Variants in ZNF746 observed in about 807,000 individuals in gnomAD.
ZNF746 encodes parkin-interacting substrate.
Under a neutral mutation model 41.0 loss-of-function variants are expected in ZNF746, and 13 were observed. That is an observed-to-expected ratio of 0.32 (90% confidence interval 0.21 to 0.50). ZNF746 has a LOEUF of 0.50. ZNF746 is among the 20% of genes least tolerant of loss of function. ZNF746 has a pLI of 0.98. For missense variants in ZNF746, 811 were observed against 922.9 expected, an observed-to-expected ratio of 0.88 and a Z score of 1.57; for synonymous variants, 424 against 396.2, an observed-to-expected ratio of 1.07 and a Z score of -0.83.
At chr7:149,496,398 C>G (rs1562995207) in intron 1 of ZNF746, among the ~76,000 whole-genome samples, 1 of 152,286 alleles carries the variant, frequency 6.6e-6, no homozygotes, top group East Asian at 1.9e-4. Context: ...GGAGCTGAAA[C>G]TCTTTGCTTG....
intron 4 of ZNF746, among the ~76,000 whole-genome samples, chr7:149,483,929 A>T (rs906479602): frequency 6.6e-6 from 1 of 152,208 alleles, no homozygotes; most frequent in Admixed American, 6.5e-5. Flanking sequence ...TATAGAGGAT[A>T]TTATGAATGT....
At chr7:149,475,515 G>A (rs1033745522) in intron 6 of ZNF746, 32 bp from the exon 7 acceptor site, 2 of 1,572,478 alleles carry the variant, frequency 1.3e-6, no homozygotes, top group Non-Finnish European at 8.7e-7. Context: ...ATACTGACCT[G>A]TCCCTTAACT....
At chr7:149,487,833 C>A (rs777437150) in intron 4 of ZNF746, 1 of 152,062 alleles carries the variant, frequency 6.6e-6, no homozygotes. Context: ...GAGCAATTCT[C>A]CAGAAATTAG....
At chr7:149,484,318 T>A (rs1192957605) in intron 4 of ZNF746, among the ~76,000 whole-genome samples, 4 of 152,200 alleles carry the variant, frequency 2.6e-5, no homozygotes, top group South Asian at 2.1e-4. Flanking sequence ...CATACAGCAA[T>A]GTTCATAAAG....
rs1228008037 is a variant in ZNF746 at position 149,477,546 on chromosome 7, C to T, written c.757+18G>A. ...ATCCCTGCAACTTGTTCCTTATGTC[C>T]CCGTCTCAGCCACTTACCAGAGGTG... On this transcript the variant is annotated intron_variant, in intron 5 of 6. Transcript: ENST00000458143. The T allele has an allele frequency of 5.1e-6, 8 of 1,583,938 alleles. No homozygotes were observed. Among genetic ancestry groups the T allele is most frequent in the African/African-American group, 2.7e-5 (2 of 74,592 alleles).
intron 6 of ZNF746, 33 bp from the exon 7 acceptor site, chr7:149,475,516 T>C: frequency 1.3e-6 from 2 of 1,572,404 alleles, no homozygotes; most frequent in Non-Finnish European, 8.6e-7. Context: ...TACTGACCTG[T>C]CCCTTAACTG....
rs774882667 is a variant in ZNF746, at chr7:149,474,543, G to A, written c.1824C>T (p.Ala608=). The change falls in exon 7 of 7, where the codon GCC becomes GCT. Residue 608 remains alanine (A), a synonymous_variant. Coordinates refer to ENST00000458143, the MANE Select transcript of ZNF746 (RefSeq NM_001394198.1). The surrounding 1 kb of genome is among the most constrained non-coding windows in gnomAD (Gnocchi z 6.3). ...GTGGCTGGCCTCGGGCCGGGGTCTT[G>A]GCGCCCGCTGCATGGTTGCGCTGGT... is the stretch of plus-strand genomic sequence containing the variant. The part of the protein sequence containing the change: ...RKHQRNHAAG[A]KTPARGQPLP... 5.6e-6 allele frequency: 9 copies of A among 1,607,730 alleles called. No homozygotes were observed. Among genetic ancestry groups the A allele is most frequent in the Non-Finnish European group, 7.6e-6 (9 of 1,177,322 alleles).
intron 4 of ZNF746, among the ~76,000 whole-genome samples, chr7:149,484,971 T>G (rs1800579234): frequency 6.6e-6 from 1 of 152,060 alleles, no homozygotes; most frequent in Non-Finnish European, 1.5e-5. Flanking sequence ...CAGGTGAGGC[T>G]AATCTATTTT....
Position 149,476,444 on chromosome 7 carries a change from A to C in ZNF746, c.883+478T>G, listed in dbSNP as rs550840258. 5.6e-5 allele frequency among the ~76,000 whole-genome samples: 8 copies of C among 142,496 alleles called. No homozygotes were observed. The East Asian group carries it at 1.6e-3, about 28-fold the overall frequency. The allele number at this position is 142,496 out of a possible 152,430, so 93.5% of individuals were successfully genotyped here. ...CACGTTTTTTGGGTGCTAAAATATG[A>C]CGTTATTATAGTAACAGGTGACTGG... On this transcript the variant is annotated intron_variant, in intron 6 of 6. Transcript: ENST00000458143.
At position 149,496,398 on chromosome 7, in the gene ZNF746, C is replaced by T. The variant is rs1562995207; in HGVS notation, c.24+1115G>A. On this transcript the variant is annotated intron_variant, in intron 1 of 6. Transcript: ENST00000458143. ...TGGACTCCTGCCAGGGGAGCTGAAA[C>T]TCTTTGCTTGAGAGGAGCTGATGGT... 7.9e-5 allele frequency among the ~76,000 whole-genome samples: 12 copies of T among 152,286 alleles called. No homozygotes were observed. In the South Asian group the frequency reaches 2.5e-3, roughly 32 times the overall value.
chr7:149,497,116 C>T lies in ZNF746; in HGVS notation c.24+397G>A, dbSNP rs1801026998. ...TATGCGGATTCGAAGCCGGACACCT[C>T]CCAGGTGCCACCAGGCCGCTGCGGG... On this transcript the variant is annotated intron_variant, in intron 1 of 6. Coordinates refer to ENST00000458143, the MANE Select transcript of ZNF746 (RefSeq NM_001394198.1). The surrounding 1 kb of genome is among the most constrained non-coding windows in gnomAD (Gnocchi z 4.2). 2.0e-6 allele frequency: 2 copies of T among 985,236 alleles called. No homozygotes were observed. The highest frequency in any genetic ancestry group is 6.1e-5 in the Admixed American group (1 of 16,268). The allele number at this position is 985,236 out of a possible 1,614,324, so 61.0% of individuals were successfully genotyped here. A position where few individuals can be genotyped will look rare whatever the true frequency, so the allele number is the denominator to read the frequency against.
At chr7:149,481,172 A>G (rs180971349) in intron 4 of ZNF746, among the ~76,000 whole-genome samples, 4 of 152,354 alleles carry the variant, frequency 2.6e-5, no homozygotes, top group African/African-American at 9.6e-5. Flanking sequence ...AAAGGGGCAA[A>G]TTATCTTCAA....
In ZNF746 at chr7:149,495,523, A is replaced by G. The variant is rs77708715; in HGVS notation, c.25-1020T>C. Among the ~76,000 whole-genome samples the G allele has an allele frequency of 2.5e-3, 375 of 152,280 alleles. 9 individuals are homozygous for G. The East Asian group carries it at 0.067, about 27-fold the overall frequency. On this transcript the variant is annotated intron_variant, in intron 1 of 6. Coordinates refer to ENST00000458143, the MANE Select transcript of ZNF746 (RefSeq NM_001394198.1). The stretch of plus-strand genomic sequence containing the variant: ...GGTAGGGAGCTGGACTGTTTGAGCC[A>G]CCCACATCTGAATGTGGGACCTACA...
At chr7:149,493,874 G>C in intron 3 of ZNF746, 115 bp downstream of exon 3, 1 of 1,548,206 alleles carries the variant, frequency 6.5e-7, no homozygotes, top group South Asian at 1.2e-5. Flanking sequence ...AACTTGCAAG[G>C]TCAACAATGT....
In ZNF746 at chr7:149,492,858, C is replaced by A. The variant is rs752312687; in HGVS notation, c.565+1G>T. ...CTCCCTGGCCTTCTCCCAGCCCTTA[C>A]CTGGACTGGGGTCCACAGGAACATC... is the stretch of plus-strand genomic sequence containing the variant. On this transcript the variant is annotated splice_donor_variant, in intron 4 of 6. Coordinates refer to ENST00000458143, the MANE Select transcript of ZNF746 (RefSeq NM_001394198.1). LOFTEE classifies it high-confidence loss of function. 2 of 1,609,958 alleles carry A rather than the reference C, an allele frequency of 1.2e-6. No individual in the cohort carries two copies. Among genetic ancestry groups the A allele is most frequent in the Non-Finnish European group, 1.7e-6 (2 of 1,176,538 alleles).
At chr7:149,485,827 T>C (rs1800608996) in intron 4 of ZNF746, among the ~76,000 whole-genome samples, 3 of 151,792 alleles carry the variant, frequency 2.0e-5, no homozygotes. Context: ...TCACTTGAGG[T>C]CAGGAGTTTG....
At position 149,494,200 on chromosome 7, in the gene ZNF746, C is replaced by G. The variant is rs769826958; in HGVS notation, c.324+4G>C. ...TCCCACACCCCAAGGCGTCCCAGGGCTACCTTAGGGGACTCCCCCTTGCTG... is the reference window on the plus strand; with the variant it reads ...TCCCACACCCCAAGGCGTCCCAGGGGTACCTTAGGGGACTCCCCCTTGCTG... On this transcript the variant is annotated splice_donor_region_variant and intron_variant, in intron 2 of 6. Coordinates refer to ENST00000458143, the MANE Select transcript of ZNF746 (RefSeq NM_001394198.1). The surrounding 1 kb of genome is among the most constrained non-coding windows in gnomAD (Gnocchi z 5.6). 5.6e-6 allele frequency: 9 copies of G among 1,613,858 alleles called. No individual in the cohort carries two copies. The highest frequency in any genetic ancestry group is 1.6e-4 in the Middle Eastern group (1 of 6,062).
chr7:149,497,264 A>T lies in ZNF746; in HGVS notation c.24+249T>A, dbSNP rs1801036687. ...CAGGAAGCCCCGGAGGGCCCAAAGA[A>T]CTTGGCGTGGGGCGGCCCGGGGCGG... is the stretch of plus-strand genomic sequence containing the variant. On this transcript the variant is annotated intron_variant, in intron 1 of 6. Coordinates refer to ENST00000458143, the MANE Select transcript of ZNF746 (RefSeq NM_001394198.1). The surrounding 1 kb of genome is among the most constrained non-coding windows in gnomAD (Gnocchi z 4.2). The T allele has an allele frequency of 1.0e-6, 1 of 984,900 alleles. No homozygotes were observed. Among genetic ancestry groups the T allele is most frequent in the Non-Finnish European group, 1.2e-6 (1 of 829,678 alleles). 61.0% of individuals were successfully genotyped at this position (984,900 alleles called of 1,614,324 possible).
chr7:149,477,006 A>T lies in ZNF746; in HGVS notation c.799T>A (p.Trp267Arg), dbSNP rs1800323612. Residue 267 changes from tryptophan to arginine, a missense_variant, in exon 6 of 7, where the codon TGG (tryptophan) becomes AGG (arginine). Trp to Arg is a moderately radical substitution (Grantham distance 101). Coordinates refer to ENST00000458143, the MANE Select transcript of ZNF746 (RefSeq NM_001394198.1). ...NFSTTIPPTS[W>R]QTDLPPHHPS... ...TGGTGGGGAGGGAGATCCGTTTGCC[A>T]GGAGGTGGGCGGGATGGTGGTGGAA... 1.2e-6 allele frequency: 2 copies of T among 1,613,650 alleles called. No homozygotes were observed. Among genetic ancestry groups the T allele is most frequent in the Non-Finnish European group, 1.7e-6 (2 of 1,179,918 alleles).
Sources: gnomAD v4.1 joint callset for allele counts (sites outside exome capture counted in the v4.1 genomes callset) on GRCh38, gnomAD v4.1.1 for gene constraint, Gnocchi (gnomAD v3.1) non-coding constraint, MANE v1.5 for transcripts, NCBI Gene and HGNC (gene_info 2026-07-23, HGNC 2026-07-21) for gene names.